CACNB2: variants seen among roughly 807,000 people sequenced by gnomAD.
The protein encoded by CACNB2 is voltage-dependent L-type calcium channel subunit beta-2.
Under a neutral mutation model 73.3 loss-of-function variants are expected in CACNB2, and 42 were observed. The ratio of observed to expected loss-of-function variants is 0.57; its 90% CI spans 0.45 to 0.74. CACNB2 has a LOEUF of 0.74. CACNB2 is among the 30% of genes least tolerant of loss of function. The pLI, the probability that CACNB2 is intolerant of heterozygous loss-of-function variation, is 0.00. For synonymous variants in CACNB2, 348 were observed against 310.3 expected (o/e 1.12, Z -1.28); for missense variants, 940 against 853.0 (o/e 1.10, Z -1.27).
chr10:18,143,471 A>T (rs2030644588), intron 1 of CACNB2, among the ~76,000 whole-genome samples: 1 of 152,250 alleles, frequency 6.6e-6, no homozygotes, highest in African/African-American at 2.4e-5. Context: ...AATGGATTTT[A>T]AAAGCAAGTT....
Position 18,539,714 on chromosome 10 carries a change from T to C in CACNB2, c.1973T>C (p.Ile658Thr). 1 of 1,604,682 alleles carries C rather than the reference T, an allele frequency of 6.2e-7. No individual in the cohort carries two copies. The highest frequency in any genetic ancestry group is 1.1e-5 in the South Asian group (1 of 89,934). ...GGGGAGTGGAACAGGGATGTTTACATCCGCCAATGAGTTTTGCCCGTTTGT... is the reference window on the plus strand; with the variant it reads ...GGGGAGTGGAACAGGGATGTTTACACCCGCCAATGAGTTTTGCCCGTTTGT... ...EAGEWNRDVYIRQ is the reference protein window; with the variant it reads ...EAGEWNRDVYTRQ Residue 658 changes from isoleucine to threonine, a missense_variant, in exon 14 of 14, where the codon ATC becomes ACC. By Grantham distance (89) the Ile-to-Thr change is moderately conservative (BLOSUM62 -1). Coordinates refer to ENST00000324631, the MANE Select transcript of CACNB2 (RefSeq NM_201596.3).
intron 2 of CACNB2, among the ~76,000 whole-genome samples, chr10:18,163,905 C>G (rs572807669): frequency 2.0e-5 from 3 of 152,066 alleles, no homozygotes; most frequent in Admixed American, 6.6e-5. Context: ...AGAAGCAGTG[C>G]TTTCACTCAT....
Position 18,401,923 on chromosome 10 carries a change from G to C in CACNB2, c.214-1G>C. The C allele has an allele frequency of 6.2e-7, 1 of 1,613,998 alleles. No individual in the cohort carries two copies. The highest frequency in any genetic ancestry group is 8.5e-7 in the Non-Finnish European group (1 of 1,179,892). On this transcript the variant is annotated splice_acceptor_variant, in intron 2 of 13. Transcript: ENST00000324631. LOFTEE classifies it high-confidence loss of function. ...TTTAAAATGTACATTTTCCTCTCCA[G>C]GGTTCGGCAGACTCCTACACTAGCC...
chr10:18,515,506 A>G (rs1464062039), intron 7 of CACNB2, among the ~76,000 whole-genome samples: 3 of 152,180 alleles, frequency 2.0e-5, no homozygotes, highest in Non-Finnish European at 4.4e-5. Flanking sequence ...CTCTGCAAAC[A>G]TGTATTTTGG....
At chr10:18,222,365 T>C (rs927984845) in intron 2 of CACNB2, among the ~76,000 whole-genome samples, 1 of 151,904 alleles carries the variant, frequency 6.6e-6, no homozygotes, top group African/African-American at 2.4e-5. Context: ...TTAGACCTTA[T>C]TTGGATCCTG....
chr10:18,162,985 G>A (rs75770477), intron 2 of CACNB2, among the ~76,000 whole-genome samples: 3,131 of 152,220 alleles, frequency 0.021, 58 homozygotes, highest in South Asian at 0.063. Flanking sequence ...ATCGATGGAT[G>A]GGTGCATGGA....
At chr10:18,536,243 C>CTTTTATTTT in intron 12 of CACNB2, 47 bp downstream of exon 12, 1 of 280,944 alleles carries the variant, frequency 3.6e-6, no homozygotes. Context: ...GAGATCAGAC[C>CTTTTATTTT]TTTTTTTTTT....
chr10:18,210,169 C>T (rs997195719), intron 2 of CACNB2, among the ~76,000 whole-genome samples: 2 of 152,176 alleles, frequency 1.3e-5, no homozygotes, highest in Non-Finnish European at 2.9e-5. Context: ...AGAGTTGATA[C>T]CTGCCAGGTG....
At chr10:18,325,723 T>C (rs2040565418) in intron 2 of CACNB2, among the ~76,000 whole-genome samples, 1 of 99,562 alleles carries the variant, frequency 1.0e-5, no homozygotes, top group Non-Finnish European at 2.1e-5. Flanking sequence ...TCCTTCTCTC[T>C]CTTTCCCTTT....
chr10:18,240,222 A>C (rs2036595550), intron 2 of CACNB2, among the ~76,000 whole-genome samples: 1 of 152,184 alleles, frequency 6.6e-6, no homozygotes, highest in South Asian at 2.1e-4. Context: ...GTTCCATCCC[A>C]CTTGGACTCT....
intron 2 of CACNB2, among the ~76,000 whole-genome samples, chr10:18,266,782 C>T (rs1011798958): frequency 3.8e-4 from 58 of 151,992 alleles, no homozygotes; most frequent in Non-Finnish European, 6.2e-4. Flanking sequence ...CCCAGCTACT[C>T]GGGAGGCTGA....
intron 2 of CACNB2, among the ~76,000 whole-genome samples, chr10:18,299,293 T>A (rs141543839): frequency 8.7e-4 from 132 of 152,224 alleles, no homozygotes; most frequent in African/African-American, 2.9e-3. Context: ...ACTCTAATTG[T>A]CATAACAGAG....
chr10:18,515,870 C>T (rs1564639854), intron 7 of CACNB2, among the ~76,000 whole-genome samples: 1 of 152,190 alleles, frequency 6.6e-6, no homozygotes. Flanking sequence ...AGTTTGCTTA[C>T]CTTTAAATTC....
intron 5 of CACNB2, among the ~76,000 whole-genome samples, chr10:18,504,612 T>A (rs962443616): frequency 6.6e-6 from 1 of 152,064 alleles, no homozygotes; most frequent in Non-Finnish European, 1.5e-5. Context: ...TTTACTTGCT[T>A]TCATAGGTTT....
chr10:18,200,451 A>C (rs1401757824), intron 2 of CACNB2, among the ~76,000 whole-genome samples: 6 of 152,000 alleles, frequency 3.9e-5, no homozygotes, highest in Non-Finnish European at 7.4e-5. Context: ...AGGAAGGGGA[A>C]ATCTGATTGA....
intron 2 of CACNB2, among the ~76,000 whole-genome samples, chr10:18,371,958 G>A (rs1446244344): frequency 1.3e-5 from 2 of 152,212 alleles, no homozygotes; most frequent in African/African-American, 4.8e-5. Flanking sequence ...GGCCAGTGAT[G>A]ATGAGCATTT....
At chr10:18,470,464 A>T (rs1237511277) in intron 3 of CACNB2, among the ~76,000 whole-genome samples, 1 of 150,610 alleles carries the variant, frequency 6.6e-6, no homozygotes, top group African/African-American at 2.4e-5. Context: ...AGAGACTGAT[A>T]TACTGTATTG....
chr10:18,287,128 A>G (rs1017249893), intron 2 of CACNB2, among the ~76,000 whole-genome samples: 2 of 152,158 alleles, frequency 1.3e-5, no homozygotes, highest in East Asian at 1.9e-4. Flanking sequence ...CAGGAGTTCA[A>G]GACCGGCCTA....
intron 2 of CACNB2, among the ~76,000 whole-genome samples, chr10:18,172,580 G>A (rs1389925193): frequency 6.6e-6 from 1 of 152,044 alleles, no homozygotes; most frequent in African/African-American, 2.4e-5. Context: ...CTAGGAAGTG[G>A]CAGAGACTGG....
Sources: allele counts gnomAD v4.1 joint callset (sites outside exome capture counted in the v4.1 genomes callset), GRCh38; gene constraint gnomAD v4.1.1; transcripts MANE v1.5; gene names NCBI Gene and HGNC (gene_info 2026-07-23, HGNC 2026-07-21).